OIP5: variants seen among roughly 807,000 people sequenced by gnomAD.
The protein encoded by OIP5 is protein Mis18-beta.
OIP5 carries 24 observed loss-of-function variants against 20.3 expected under a neutral mutation model. That is an observed-to-expected ratio of 1.18 (90% CI 0.86 to 1.66). The LOEUF (loss-of-function observed/expected upper bound fraction) is 1.66. Among genes scored for constraint, OIP5 ranks in the 40% most tolerant of loss-of-function variants. OIP5 has a pLI of 0.00. For synonymous variants in OIP5, 143 were observed against 121.3 expected (o/e 1.18, Z -1.17); for missense variants, 339 against 289.5 (o/e 1.17, Z -1.24).
chr15:41,317,762 T>G (rs2047796999), intron 3 of OIP5, among the ~76,000 whole-genome samples: 1 of 152,144 alleles, frequency 6.6e-6, no homozygotes, highest in African/African-American at 2.4e-5. Context: ...CACTGTAACC[T>G]TGAACTCCTG....
At chr15:41,317,142 T>A (rs987573093) in intron 3 of OIP5, among the ~76,000 whole-genome samples, 1 of 152,196 alleles carries the variant, frequency 6.6e-6, no homozygotes, top group Non-Finnish European at 1.5e-5. Context: ...TTTCTGACAC[T>A]ATGAGGCTAC....
chr15:41,319,229 T>C (rs1595500610), intron 3 of OIP5, among the ~76,000 whole-genome samples: 1 of 151,500 alleles, frequency 6.6e-6, no homozygotes, highest in Non-Finnish European at 1.5e-5. Context: ...TGCACTAGCA[T>C]GCCCAGCTAC....
At position 41,319,798 on chromosome 15, in the gene OIP5, C is replaced by G. The variant is rs1420710434; in HGVS notation, c.390-18G>C. 1.9e-6 allele frequency: 3 copies of G among 1,590,272 alleles called. No homozygotes were observed. Among genetic ancestry groups the G allele is most frequent in the Admixed American group, 3.6e-5 (2 of 55,450 alleles). ...TGTAAGTACTAGGGGTGGGGAAAAA[C>G]ACAATATGGGTAAGAATAAAAAATC... On this transcript the variant is annotated intron_variant, in intron 2 of 4. Transcript: ENST00000220514.
In OIP5 at chr15:41,332,439, C is replaced by T; in HGVS notation, c.123G>A (p.Thr41=). The change falls in exon 1 of 5, where the codon ACG becomes ACA. Residue 41 remains threonine (T), a synonymous_variant. Transcript: ENST00000220514. ...ASFTTSMEWD[T]QVVKGSSPLG... ...GCGGCGAGGACCCCTTCACCACCTG[C>T]GTATCCCACTCCATGGAGGTCGTAA... 1.9e-6 allele frequency: 3 copies of T among 1,614,092 alleles called. No individual in the cohort carries two copies. Among genetic ancestry groups the T allele is most frequent in the Non-Finnish European group, 2.5e-6 (3 of 1,179,946 alleles).
intron 4 of OIP5, among the ~76,000 whole-genome samples, chr15:41,311,538 C>T (rs2047754352): frequency 6.6e-6 from 1 of 152,152 alleles, no homozygotes; most frequent in Non-Finnish European, 1.5e-5. Context: ...ACTCCTCATA[C>T]TGCCATTCCA....
chr15:41,310,976 G>A (rs1336878385), intron 4 of OIP5, among the ~76,000 whole-genome samples: 2 of 152,132 alleles, frequency 1.3e-5, no homozygotes, highest in Non-Finnish European at 2.9e-5. Context: ...CAAGAGCAGT[G>A]GCTTCTGATA....
At chr15:41,323,543 T>C (rs1008918920) in intron 2 of OIP5, among the ~76,000 whole-genome samples, 7 of 152,164 alleles carry the variant, frequency 4.6e-5, no homozygotes, top group Non-Finnish European at 8.8e-5. Flanking sequence ...CAATCACAGC[T>C]CACTACAGCC....
At chr15:41,320,547 C>T (rs990447446) in intron 2 of OIP5, among the ~76,000 whole-genome samples, 9 of 152,142 alleles carry the variant, frequency 5.9e-5, no homozygotes, top group Non-Finnish European at 1.2e-4. Flanking sequence ...CCCAGGGTGC[C>T]GGGATTGCAG....
In OIP5 at chr15:41,309,664, A is replaced by G; in HGVS notation, c.*90T>C. The G allele has an allele frequency of 1.2e-6, 1 of 819,120 alleles. No individual in the cohort carries two copies. Among genetic ancestry groups the G allele is most frequent in the South Asian group, 1.7e-5 (1 of 58,996 alleles). 50.7% of individuals were successfully genotyped at this position (819,120 alleles called of 1,614,324 possible). A position where few individuals can be genotyped will look rare whatever the true frequency, so the allele number is the denominator to read the frequency against. ...AACTGCATTTCCCCTCCATTCTTGA[A>G]GCCAATCTTTTTCAAGAAATGACTA... On this transcript the variant is annotated 3_prime_UTR_variant, in exon 5 of 5. Coordinates refer to ENST00000220514, the MANE Select transcript of OIP5 (RefSeq NM_007280.2).
chr15:41,332,023 CTTGAAAT>C lies in OIP5; in HGVS notation c.323-49_323-43del, dbSNP rs775557085. The C allele has an allele frequency of 6.3e-6, 10 of 1,591,570 alleles. No homozygotes were observed. The East Asian group carries it at 2.0e-4, about 32-fold the overall frequency. ...GGGTCAGAACCCATACTCTGCGGGC[CTTGAAAT>C]GGAAAATCTCTCCTCTAGACAGACT... On this transcript the variant is annotated intron_variant, in intron 1 of 4. Coordinates refer to ENST00000220514, the MANE Select transcript of OIP5 (RefSeq NM_007280.2).
Position 41,309,838 on chromosome 15 carries a change from C to T in OIP5, c.606G>A (p.Lys202=). Residue 202 remains lysine, a synonymous_variant, in exon 5 of 5, where the codon AAG becomes AAA. Coordinates refer to ENST00000220514, the MANE Select transcript of OIP5 (RefSeq NM_007280.2). ...LSEKIAELKE[K]IVLTHNRLKS... ...TTAAGCGATTGTGCGTTAGCACTAT[C>T]TTCTCTTTCAGCTAGGAAGAGAAAT... The T allele has an allele frequency of 6.2e-7, 1 of 1,611,480 alleles. No homozygotes were observed. The highest frequency in any genetic ancestry group is 2.2e-5 in the East Asian group (1 of 44,862).
intron 2 of OIP5, among the ~76,000 whole-genome samples, chr15:41,329,063 CAAAAAAAAAAAAAAAA>C (rs1166517767): frequency 2.0e-5 from 1 of 50,368 alleles, no homozygotes; most frequent in African/African-American, 7.6e-5. Flanking sequence ...GACTCCATCT[CAAAAAAAAAAAAAAAA>C]AAAAAAAAAA....
At position 41,311,983 on chromosome 15, in the gene OIP5, A is replaced by AGT. The variant is rs1274329983; in HGVS notation, c.594+1289_594+1290insAC. ...GATTCTCCTGCCTCAGCCTCCCGAAAAGCTGGGATTATAGGCATGCGCCAA... is the reference window on the plus strand; with the variant it reads ...GATTCTCCTGCCTCAGCCTCCCGAAAGTAGCTGGGATTATAGGCATGCGCCAA... On this transcript the variant is annotated intron_variant, in intron 4 of 4. Transcript: ENST00000220514. 1.2e-4 allele frequency among the ~76,000 whole-genome samples: 17 copies of AGT among 140,228 alleles called. 5 individuals carry two copies. Among genetic ancestry groups the AGT allele is most frequent in the Non-Finnish European group, 2.0e-4 (12 of 61,374 alleles). 92.0% of individuals were successfully genotyped at this position (140,228 alleles called of 152,430 possible).
chr15:41,318,886 A>C (rs1376633905), intron 3 of OIP5, among the ~76,000 whole-genome samples: 1 of 151,686 alleles, frequency 6.6e-6, no homozygotes, highest in Non-Finnish European at 1.5e-5. Flanking sequence ...GTATAAAAAA[A>C]AAACAGGAGT....
intron 3 of OIP5, among the ~76,000 whole-genome samples, chr15:41,316,454 T>G (rs2047789039): frequency 6.6e-6 from 1 of 151,768 alleles, no homozygotes; most frequent in Non-Finnish European, 1.5e-5. Flanking sequence ...TATTGTTTAG[T>G]CAACCATAAC....
chr15:41,310,083 A>G (rs2047745249), intron 4 of OIP5, among the ~76,000 whole-genome samples: 1 of 152,124 alleles, frequency 6.6e-6, no homozygotes, highest in South Asian at 2.1e-4. Context: ...TTTGTTGCCC[A>G]GGCTGGTGTT....
At chr15:41,330,317 T>A (rs1245816202) in intron 2 of OIP5, among the ~76,000 whole-genome samples, 1 of 151,956 alleles carries the variant, frequency 6.6e-6, no homozygotes, top group East Asian at 1.9e-4. Context: ...CAGGCTGGTC[T>A]CGAACTCCCG....
At chr15:41,316,129 G>T (rs938834114) in intron 3 of OIP5, among the ~76,000 whole-genome samples, 1 of 146,858 alleles carries the variant, frequency 6.8e-6, no homozygotes, top group Non-Finnish European at 1.5e-5. Flanking sequence ...GCAAGACTCC[G>T]TCTCAAAGAA....
intron 2 of OIP5, 133 bp downstream of exon 2, chr15:41,331,782 A>T: frequency 1.4e-6 from 1 of 738,428 alleles, no homozygotes; most frequent in Non-Finnish European, 2.4e-6. Flanking sequence ...TTTCATTAAT[A>T]CATCAAGTTC....
Sources: gnomAD v4.1 joint callset for allele counts (sites outside exome capture counted in the v4.1 genomes callset) on GRCh38, gnomAD v4.1.1 for gene constraint, MANE v1.5 for transcripts, NCBI Gene and HGNC (gene_info 2026-07-23, HGNC 2026-07-21) for gene names.